The following MAPKAP1 variants were observed in gnomAD, a reference collection of about 807,000 sequenced individuals.
MAPKAP1 encodes the protein MAPK associated protein 1.
Under a neutral mutation model 65.7 loss-of-function variants are expected in MAPKAP1, and 20 were observed. That is an observed-to-expected ratio of 0.30 (90% CI 0.21 to 0.44). The LOEUF (loss-of-function observed/expected upper bound fraction) is 0.44. Among genes scored for constraint, MAPKAP1 ranks in the 20% least tolerant of loss-of-function variants. The pLI is 1.00. For missense variants in MAPKAP1, 423 were observed against 648.0 expected (o/e 0.65, Z 3.77); for synonymous variants, 222 against 244.3 (o/e 0.91, Z 0.85).
chr9:125,695,630 C>T (rs181459762), intron 1 of MAPKAP1, among the ~76,000 whole-genome samples: 1 of 152,192 alleles, frequency 6.6e-6, no homozygotes, highest in Non-Finnish European at 1.5e-5. Context: ...TCAGTATGCA[C>T]ATTTTTATAT....
intron 3 of MAPKAP1, among the ~76,000 whole-genome samples, chr9:125,661,205 G>A (rs990193831): frequency 6.6e-6 from 1 of 152,204 alleles, no homozygotes; most frequent in African/African-American, 2.4e-5. Flanking sequence ...GAGGCTCTGA[G>A]GACATAGACA....
intron 1 of MAPKAP1, among the ~76,000 whole-genome samples, chr9:125,682,540 G>A (rs1834855200): frequency 6.6e-6 from 1 of 152,196 alleles, no homozygotes; most frequent in Non-Finnish European, 1.5e-5. Flanking sequence ...ATTTCCAGCT[G>A]TTACAAGAAA....
At position 125,439,916 on chromosome 9, in the gene MAPKAP1, G is replaced by A. The variant is rs962654030; in HGVS notation, c.1444-904C>T. ...GAGTATCAGGGAGGTGTGGAGGAGG[G>A]AAGGCTTCCAGAGGAAAAGAGTGAG... On this transcript the variant is annotated intron_variant, in intron 11 of 11. Transcript: ENST00000265960. This position sits in a 1 kb window ranked among gnomAD's most constrained non-coding sequence, Gnocchi z 4.0. Among the ~76,000 whole-genome samples the A allele has an allele frequency of 2.6e-5, 4 of 152,246 alleles. No individual in the cohort carries two copies. Among genetic ancestry groups the A allele is most frequent in the African/African-American group, 9.6e-5 (4 of 41,478 alleles).
intron 5 of MAPKAP1, among the ~76,000 whole-genome samples, chr9:125,564,609 T>C (rs1472622526): frequency 1.3e-5 from 2 of 152,146 alleles, no homozygotes; most frequent in African/African-American, 4.8e-5. Context: ...TGTTCCTAAG[T>C]GGTCATTTTC....
chr9:125,698,316 T>TATATATATATATATATA, intron 1 of MAPKAP1, among the ~76,000 whole-genome samples: 1 of 86,636 alleles, frequency 1.2e-5, no homozygotes, highest in Non-Finnish European at 2.1e-5. Flanking sequence ...TATATATATA[T>TATATATATATATATATA]ATATATATAT....
chr9:125,474,936 T>A lies in MAPKAP1; in HGVS notation c.1208-6827A>T, dbSNP rs77151365. Among the ~76,000 whole-genome samples the A allele has an allele frequency of 3.9e-5, 6 of 152,072 alleles. No individual in the cohort carries two copies. The East Asian group carries it at 1.2e-3, about 29-fold the overall frequency. ...AAGCCTGGAAAAGCCCCCAAGGGAG[T>A]GCCACTGAACAACTCTTCGCCAGAG... On this transcript the variant is annotated intron_variant, in intron 9 of 11. Transcript: ENST00000265960.
rs1036224241 is a variant in MAPKAP1 at position 125,447,684 on chromosome 9, C to A, written c.1346-3086G>T. Among the ~76,000 whole-genome samples, 1 of 152,152 alleles carries A rather than the reference C, an allele frequency of 6.6e-6. No individual in the cohort carries two copies. The highest frequency in any genetic ancestry group is 6.5e-5 in the Admixed American group (1 of 15,280). On this transcript the variant is annotated intron_variant, in intron 10 of 11. Coordinates refer to ENST00000265960, the MANE Select transcript of MAPKAP1 (RefSeq NM_001006617.3). This position sits in a 1 kb window ranked among gnomAD's most constrained non-coding sequence, Gnocchi z 4.5. ...GAGCAAAGGACAGAGAAATGAACAC[C>A]GAGAGTCAAATATGATGAGCGTGAA...
At chr9:125,665,960 A>G (rs1045933859) in intron 3 of MAPKAP1, among the ~76,000 whole-genome samples, 8 of 152,374 alleles carry the variant, frequency 5.3e-5, no homozygotes, top group African/African-American at 1.9e-4. Context: ...GGATTCATGT[A>G]GTCCTCCTAG....
rs117702436 is a variant in MAPKAP1 at position 125,677,298 on chromosome 9, C to T, written c.-69-4655G>A. 9.1e-3 allele frequency among the ~76,000 whole-genome samples: 1,385 copies of T among 151,916 alleles called. 12 individuals are homozygous for T. Among genetic ancestry groups the T allele is most frequent in the Middle Eastern group, 0.037 (11 of 294 alleles). ...ACTAAAAATACAAAAATTAGCTGGG[C>T]GAGGAGGCTAAGGTGGAAGAATTGC... is the stretch of plus-strand genomic sequence containing the variant. On this transcript the variant is annotated intron_variant, in intron 1 of 11. Transcript: ENST00000265960.
rs184171509 is a variant in MAPKAP1 at position 125,540,927 on chromosome 9, T to C, written c.958+2132A>G. On this transcript the variant is annotated intron_variant, in intron 7 of 11. Transcript: ENST00000265960. ...AAAAACACAAGATGTACCCTGCCTT[T>C]ACCAACCTAACCTTAAACAAATATC... 2.2e-3 allele frequency among the ~76,000 whole-genome samples: 340 copies of C among 152,338 alleles called. 3 individuals are homozygous for C. Among genetic ancestry groups the C allele is most frequent in the African/African-American group, 7.9e-3 (329 of 41,578 alleles).
chr9:125,648,503 G>C (rs991617238), intron 4 of MAPKAP1, among the ~76,000 whole-genome samples: 36 of 152,208 alleles, frequency 2.4e-4, no homozygotes, highest in African/African-American at 8.7e-4. Context: ...ATAGATGAGA[G>C]ATTACTTGTC....
At chr9:125,491,088 T>G (rs1274477590) in intron 8 of MAPKAP1, among the ~76,000 whole-genome samples, 1 of 146,102 alleles carries the variant, frequency 6.8e-6, no homozygotes, top group Non-Finnish European at 1.5e-5. Context: ...AAGTGAGAGC[T>G]GAGATTACAC....
intron 3 of MAPKAP1, among the ~76,000 whole-genome samples, chr9:125,660,266 C>G (rs1411076431): frequency 6.6e-6 from 1 of 152,080 alleles, no homozygotes; most frequent in East Asian, 1.9e-4. Context: ...ATGCTTGCCT[C>G]TGGGGAGTGA....
chr9:125,455,881 C>G (rs1853143743), intron 10 of MAPKAP1, among the ~76,000 whole-genome samples: 1 of 152,166 alleles, frequency 6.6e-6, no homozygotes, highest in South Asian at 2.1e-4. Flanking sequence ...ATTTGGGTTT[C>G]CTTCTGGTAT....
At chr9:125,535,394 A>G (rs1261212383) in intron 7 of MAPKAP1, among the ~76,000 whole-genome samples, 1 of 152,078 alleles carries the variant, frequency 6.6e-6, no homozygotes, top group African/African-American at 2.4e-5. Context: ...AATTTACCAC[A>G]TTTTAATCCC....
At chr9:125,681,417 C>A (rs887774688) in intron 1 of MAPKAP1, among the ~76,000 whole-genome samples, 1 of 152,210 alleles carries the variant, frequency 6.6e-6, no homozygotes, top group Non-Finnish European at 1.5e-5. Context: ...TGCTGAGGCC[C>A]CATGAGTGAT....
intron 5 of MAPKAP1, among the ~76,000 whole-genome samples, chr9:125,580,516 T>C (rs889650869): frequency 4.8e-4 from 53 of 111,186 alleles, no homozygotes; most frequent in African/African-American, 1.8e-3. Context: ...GCGGGGAACA[T>C]CACACACTGG....
At chr9:125,507,261 T>TAAC (rs996044098) in intron 7 of MAPKAP1, among the ~76,000 whole-genome samples, 1 of 152,216 alleles carries the variant, frequency 6.6e-6, no homozygotes, top group African/African-American at 2.4e-5. Context: ...AGATAACACA[T>TAAC]AACGGGTCCA....
chr9:125,608,892 T>C (rs1013914340), intron 4 of MAPKAP1, among the ~76,000 whole-genome samples: 1 of 152,184 alleles, frequency 6.6e-6, no homozygotes, highest in Admixed American at 6.5e-5. Flanking sequence ...GAATAAGACA[T>C]ACTTCTCCTG....
Sources: allele counts gnomAD v4.1 joint callset (sites outside exome capture counted in the v4.1 genomes callset), GRCh38; gene constraint gnomAD v4.1.1; non-coding constraint Gnocchi (gnomAD v3.1); transcripts MANE v1.5; gene names NCBI Gene and HGNC (gene_info 2026-07-23, HGNC 2026-07-21).